The following ATG16L2 variants were observed in gnomAD, a reference collection of about 807,000 sequenced individuals.
ATG16L2 encodes autophagy related 16 like 2, also known as protein Atg16l2.
A neutral mutation model predicts 84.7 loss-of-function variants in ATG16L2; 77 were observed. The observed-to-expected ratio is 0.91, with a 90% confidence interval of 0.76 to 1.10. ATG16L2 has a LOEUF of 1.10. ATG16L2 is among the 50% of genes least tolerant of loss of function. The probability of loss-of-function intolerance (pLI) is 0.00; values close to 1 mark genes in which losing one functional copy is unlikely to be tolerated. For missense variants in ATG16L2, 782 were observed against 817.6 expected (o/e 0.96, Z 0.53); for synonymous variants, 361 against 342.8 (o/e 1.05, Z -0.59).
In ATG16L2 at chr11:72,822,681, TG is replaced by T; in HGVS notation, c.710+139del. On this transcript the variant is annotated intron_variant, in intron 6 of 17. Transcript: ENST00000321297. This position sits in a 1 kb window ranked among gnomAD's most constrained non-coding sequence, Gnocchi z 4.2. ...ATGTGGTCGGAGCCCACGAGACACC[TG>T]CAGAGGACCGTGTGGTCGTAGGAGC... 8.3e-7 allele frequency: 1 copy of T among 1,203,270 alleles called. No homozygotes were observed. Among genetic ancestry groups the T allele is most frequent in the East Asian group, 2.6e-5 (1 of 38,860 alleles). 74.5% of individuals were successfully genotyped at this position (1,203,270 alleles called of 1,614,324 possible).
At chr11:72,826,058 C>T (rs567610776) in intron 10 of ATG16L2, 115 bp from the exon 11 acceptor site, 10 of 829,800 alleles carry the variant, frequency 1.2e-5, no homozygotes, top group South Asian at 1.2e-4. Context: ...TGTCTTCTAA[C>T]CTGGGGATGT....
intron 1 of ATG16L2, 103 bp downstream of exon 1, chr11:72,814,666 G>T: frequency 1.1e-6 from 1 of 930,402 alleles, no homozygotes; most frequent in South Asian, 1.8e-5. Context: ...CGAGTGCGCT[G>T]TGCCTTATGC....
exon 6 of ATG16L2, chr11:72,843,357 T>G: frequency 6.3e-7 from 1 of 1,596,076 alleles, no homozygotes; most frequent in Non-Finnish European, 8.6e-7. Context: ...ACAAAACAAG[T>G]TTACACACAC....
At chr11:72,821,630 G>T (rs1391290669) in intron 3 of ATG16L2, 38 bp from the exon 4 acceptor site, 2 of 1,519,440 alleles carry the variant, frequency 1.3e-6, no homozygotes, top group South Asian at 2.4e-5. Flanking sequence ...AGGCCTGGAG[G>T]GGCCTCAGCG....
At chr11:72,833,140 C>T (rs1860642676), downstream of ATG16L2, among the ~76,000 whole-genome samples, 1 of 152,224 alleles carries the variant, frequency 6.6e-6, no homozygotes, top group Admixed American at 6.5e-5. Context: ...CTGAGTGTCT[C>T]CCACCAGATG....
At position 72,822,661 on chromosome 11, in the gene ATG16L2, G is replaced by A; in HGVS notation, c.710+118G>A. 2.1e-6 allele frequency: 3 copies of A among 1,397,394 alleles called. No individual in the cohort carries two copies. Among genetic ancestry groups the A allele is most frequent in the Non-Finnish European group, 2.9e-6 (3 of 1,025,626 alleles). 86.6% of individuals were successfully genotyped at this position (1,397,394 alleles called of 1,614,324 possible). A position where few individuals can be genotyped will look rare whatever the true frequency, so the allele number is the denominator to read the frequency against. ...AGCCCCGTCCTGAGGCCCCCATGTG[G>A]TCGGAGCCCACGAGACACCTGCAGA... is the stretch of plus-strand genomic sequence containing the variant. On this transcript the variant is annotated intron_variant, in intron 6 of 17. Transcript: ENST00000321297. The surrounding 1 kb of genome is among the most constrained non-coding windows in gnomAD (Gnocchi z 4.2).
chr11:72,828,970 A>T lies in ATG16L2; in HGVS notation c.1758A>T (p.Leu586=), dbSNP rs2135126824. Residue 586 remains leucine, a synonymous_variant, in exon 17 of 18, where the codon CTA becomes CTT. Transcript: ENST00000321297. ...DVDTGKLESR[L]QGPHCAAVNA... ...ACACCGGGAAACTGGAGAGCAGACT[A>T]CAGGGACCCCATTGGTGAGCATGGC... 6.2e-7 allele frequency: 1 copy of T among 1,614,074 alleles called. No individual in the cohort carries two copies.
chr11:72,823,938 T>G (rs557682996), intron 7 of ATG16L2, 122 bp from the exon 8 acceptor site: 278 of 1,110,990 alleles, frequency 2.5e-4, no homozygotes, highest in Non-Finnish European at 3.6e-4. Flanking sequence ...GAAGTCAAGT[T>G]CTTATCCCAG....
At position 72,822,805 on chromosome 11, in the gene ATG16L2, G is replaced by A. The variant is rs745884666; in HGVS notation, c.711-43G>A. On this transcript the variant is annotated intron_variant, in intron 6 of 17. Coordinates refer to ENST00000321297, the MANE Select transcript of ATG16L2 (RefSeq NM_033388.2). This position sits in a 1 kb window ranked among gnomAD's most constrained non-coding sequence, Gnocchi z 4.2. The stretch of plus-strand genomic sequence containing the variant: ...TCCTGTGCTGGGGTCGGGAGGGGCT[G>A]GCTTGGTCCCTTGGCCTTTCTGAAC... 2.8e-6 allele frequency: 4 copies of A among 1,444,564 alleles called. No individual in the cohort carries two copies. The highest frequency in any genetic ancestry group is 3.8e-6 in the Non-Finnish European group (4 of 1,060,756). 89.5% of individuals were successfully genotyped at this position (1,444,564 alleles called of 1,614,324 possible).
chr11:72,814,612 A>G (rs902623542), intron 1 of ATG16L2, 49 bp downstream of exon 1: 42 of 1,467,446 alleles, frequency 2.9e-5, no homozygotes, highest in Non-Finnish European at 3.8e-5. Context: ...GGACGCGGCT[A>G]CGGGCGCGGG....
chr11:72,818,938 C>CTGCTGT (rs1859829785), intron 3 of ATG16L2: 1 of 152,210 alleles, frequency 6.6e-6, no homozygotes, highest in Non-Finnish European at 1.5e-5. Context: ...TTCCCTAGAG[C>CTGCTGT]TGCTGTTGTA....
downstream of ATG16L2, among the ~76,000 whole-genome samples, chr11:72,832,591 C>T (rs1860630078): frequency 6.6e-6 from 1 of 152,208 alleles, no homozygotes; most frequent in African/African-American, 2.4e-5. Flanking sequence ...CCTCCAGGCT[C>T]TCAGCAGTCA....
exon 6 of ATG16L2, chr11:72,842,907 C>T: frequency 8.1e-7 from 1 of 1,238,048 alleles, no homozygotes; most frequent in Non-Finnish European, 1.2e-6. Context: ...GCAACCACCC[C>T]TATGCTCACA....
chr11:72,835,436 G>A (rs1410886003), intron 5 of ATG16L2, among the ~76,000 whole-genome samples: 46 of 152,070 alleles, frequency 3.0e-4, no homozygotes, highest in Non-Finnish European at 1.5e-5. Flanking sequence ...GTGGTGGTGA[G>A]GAGAGGTGGT....
At position 72,817,792 on chromosome 11, in the gene ATG16L2, A is replaced by G. The variant is rs764554289; in HGVS notation, c.255A>G (p.Ser85=). The part of the protein sequence containing the change: ...ESELDSDQVP[S]LVALRVKWQE... Reference sequence around the variant, plus strand: ...AGCTTGACTCAGACCAAGTCCCATCACTGGTCGCACTGAGGGTGAAGTGGC... The same window carrying G: ...AGCTTGACTCAGACCAAGTCCCATCGCTGGTCGCACTGAGGGTGAAGTGGC... The change falls in exon 3 of 18, where the codon TCA becomes TCG. Residue 85 remains serine (S), a synonymous_variant. Coordinates refer to ENST00000321297, the MANE Select transcript of ATG16L2 (RefSeq NM_033388.2). 5.0e-6 allele frequency: 8 copies of G among 1,613,598 alleles called. No individual in the cohort carries two copies. Among genetic ancestry groups the G allele is most frequent in the African/African-American group, 1.3e-5 (1 of 75,052 alleles).
intron 3 of ATG16L2, chr11:72,821,109 G>GTTAGA (rs1859967022): frequency 1.9e-6 from 1 of 518,738 alleles, no homozygotes; most frequent in Admixed American, 6.4e-5. Flanking sequence ...GGGTGATGCA[G>GTTAGA]TTAGGTAGGT....
At chr11:72,820,746 T>TCTGGCCC (rs1859944587) in intron 3 of ATG16L2, among the ~76,000 whole-genome samples, 1 of 152,092 alleles carries the variant, frequency 6.6e-6, no homozygotes, top group Non-Finnish European at 1.5e-5. Context: ...AGCCTTGGCC[T>TCTGGCCC]GGGCCAGAGG....
At chr11:72,827,140 C>T (rs755467465) in intron 13 of ATG16L2, 48 bp from the exon 14 acceptor site, 1 of 1,473,822 alleles carries the variant, frequency 6.8e-7, no homozygotes, top group South Asian at 1.1e-5. Context: ...TGGGGTGGCT[C>T]CCGACAACCC....
At chr11:72,826,088 A>G in intron 10 of ATG16L2, 85 bp from the exon 11 acceptor site, 1 of 1,134,294 alleles carries the variant, frequency 8.8e-7, no homozygotes, top group East Asian at 2.5e-5. Flanking sequence ...TGGGGCGGGA[A>G]CTGATCTTCC....
Sources: gnomAD v4.1 joint callset for allele counts (sites outside exome capture counted in the v4.1 genomes callset) on GRCh38, gnomAD v4.1.1 for gene constraint, Gnocchi (gnomAD v3.1) non-coding constraint, MANE v1.5 for transcripts, NCBI Gene and HGNC (gene_info 2026-07-23, HGNC 2026-07-21) for gene names.